Variants in MAD1L1 observed in about 807,000 individuals in gnomAD.
MAD1L1 encodes mitotic spindle assembly checkpoint protein MAD1.
MAD1L1 carries 95 observed loss-of-function variants against 96.9 expected under a neutral mutation model. That is an observed-to-expected ratio of 0.98 (90% CI 0.83 to 1.16). The LOEUF is 1.16. MAD1L1 is among the 50% of genes most tolerant of loss of function. MAD1L1 has a pLI of 0.00. For missense variants in MAD1L1, 1,007 were observed against 954.4 expected (o/e 1.06, Z -0.73); for synonymous variants, 473 against 396.6 (o/e 1.19, Z -2.29).
At chr7:2,025,436 G>C (rs1329099269) in intron 12 of MAD1L1, among the ~76,000 whole-genome samples, 1 of 152,186 alleles carries the variant, frequency 6.6e-6, no homozygotes, top group African/African-American at 2.4e-5. Flanking sequence ...GATAACCTAT[G>C]ATTTTATACC....
intron 14 of MAD1L1, among the ~76,000 whole-genome samples, chr7:1,986,403 C>T (rs1343091370): frequency 4.6e-5 from 7 of 152,038 alleles, no homozygotes; most frequent in African/African-American, 1.2e-4. Context: ...CCCGTTCCAG[C>T]TGCCGCCGGC....
At chr7:2,160,727 G>A (rs1408621496) in intron 10 of MAD1L1, among the ~76,000 whole-genome samples, 2 of 151,964 alleles carry the variant, frequency 1.3e-5, no homozygotes, top group African/African-American at 2.4e-5. Context: ...CCGCTCTCCT[G>A]CCTCAGCCTC....
intron 14 of MAD1L1, among the ~76,000 whole-genome samples, chr7:1,995,184 G>A (rs544368992): frequency 1.3e-5 from 2 of 152,328 alleles, no homozygotes; most frequent in Admixed American, 6.5e-5. Context: ...GCTGTGGCCA[G>A]CACGATTCCT....
At chr7:1,881,486 G>A (rs1785678762) in intron 18 of MAD1L1, among the ~76,000 whole-genome samples, 1 of 152,234 alleles carries the variant, frequency 6.6e-6, no homozygotes, top group Non-Finnish European at 1.5e-5. Flanking sequence ...ACAGATGATT[G>A]CTGAGATGCT....
chr7:1,929,806 CCCCACTGCCACGTCCCCTGCCCCGT>C (rs1199655949), intron 17 of MAD1L1, among the ~76,000 whole-genome samples: 1,549 of 42,974 alleles, frequency 0.036, 32 homozygotes, highest in Middle Eastern at 0.074. Context: ...CTCGCCCCGT[CCCCACTGCCACGTCCCCTGCCCCGT>C]CCCCACTGCC....
chr7:1,926,101 T>A (rs184480914), intron 17 of MAD1L1, among the ~76,000 whole-genome samples: 1 of 152,222 alleles, frequency 6.6e-6, no homozygotes, highest in East Asian at 1.9e-4. Context: ...GCAGGCACGA[T>A]AAAATCAGCG....
chr7:1,945,315 C>T (rs974868638), intron 16 of MAD1L1, among the ~76,000 whole-genome samples: 34 of 152,250 alleles, frequency 2.2e-4, no homozygotes, highest in African/African-American at 7.5e-4. Flanking sequence ...AGGACTATCC[C>T]GGCACAGGCT....
chr7:1,981,676 G>A (rs992958848), intron 14 of MAD1L1, among the ~76,000 whole-genome samples: 3 of 152,122 alleles, frequency 2.0e-5, no homozygotes, highest in African/African-American at 4.8e-5. Context: ...CAGGTACCAC[G>A]GCAGCCGGAG....
At chr7:2,215,395 A>G (rs1489949554) in intron 9 of MAD1L1, among the ~76,000 whole-genome samples, 4 of 144,706 alleles carry the variant, frequency 2.8e-5, no homozygotes, top group African/African-American at 5.2e-5. Flanking sequence ...AAAAAAAAAA[A>G]GCCCACAAAT....
intron 18 of MAD1L1, among the ~76,000 whole-genome samples, chr7:1,881,087 A>G (rs1306273898): frequency 1.3e-5 from 2 of 152,178 alleles, no homozygotes; most frequent in Non-Finnish European, 2.9e-5. Context: ...GCTCCATTAC[A>G]TACCTGGGGT....
At chr7:1,856,777 A>G (rs4236274) in intron 18 of MAD1L1, among the ~76,000 whole-genome samples, 71,663 of 151,960 alleles carry the variant, frequency 0.47, 18,012 homozygotes, top group African/African-American at 0.63. Flanking sequence ...CACGTTCCAC[A>G]CGTAACCCAA....
At chr7:2,014,431 C>T in intron 13 of MAD1L1, 71 bp downstream of exon 13, 6 of 1,485,944 alleles carry the variant, frequency 4.0e-6, no homozygotes, top group Non-Finnish European at 5.4e-6. Flanking sequence ...CTCCCCGCCG[C>T]AGGCTCTGCC....
At chr7:2,090,724 T>A (rs983128166) in intron 11 of MAD1L1, among the ~76,000 whole-genome samples, 1 of 152,048 alleles carries the variant, frequency 6.6e-6, no homozygotes, top group Non-Finnish European at 1.5e-5. Context: ...GAGCTACAGG[T>A]CTGTAAAGAA....
At chr7:2,029,589 C>G (rs544804227) in intron 12 of MAD1L1, among the ~76,000 whole-genome samples, 29 of 151,816 alleles carry the variant, frequency 1.9e-4, no homozygotes, top group African/African-American at 7.0e-4. Flanking sequence ...TTTTTTTAAA[C>G]GGAACTCCAT....
At chr7:2,176,921 C>T (rs1790975317) in intron 10 of MAD1L1, among the ~76,000 whole-genome samples, 1 of 152,178 alleles carries the variant, frequency 6.6e-6, no homozygotes, top group Admixed American at 6.5e-5. Flanking sequence ...CTAGTAATAA[C>T]TGTTTGCTTG....
At chr7:2,002,041 C>T (rs752757482) in intron 14 of MAD1L1, 24 bp downstream of exon 14, 2 of 1,612,668 alleles carry the variant, frequency 1.2e-6, no homozygotes, top group East Asian at 2.2e-5. Flanking sequence ...CCCTGAATCC[C>T]AGCCACTCCC....
At position 2,230,107 on chromosome 7, in the gene MAD1L1, C is replaced by CA; in HGVS notation, c.26dup (p.Met9IlefsTer91). On this transcript the variant is annotated frameshift_variant, in exon 3 of 19. Transcript: ENST00000265854. LOFTEE classifies it high-confidence loss of function. ...TCAAAGATCTCAGGGTGGATAAAAC[C>CA]ATGGTGTTTTCCCCCAGGTCTTCCA... 1 of 1,604,278 alleles carries CA rather than the reference C, an allele frequency of 6.2e-7. No individual in the cohort carries two copies. The highest frequency in any genetic ancestry group is 8.5e-7 in the Non-Finnish European group (1 of 1,175,282).
intron 3 of MAD1L1, among the ~76,000 whole-genome samples, chr7:2,227,655 A>G (rs1233606923): frequency 2.6e-5 from 4 of 152,232 alleles, no homozygotes; most frequent in Admixed American, 6.5e-5. Flanking sequence ...TGGTGGCCCA[A>G]GCCCACACTT....
intron 13 of MAD1L1, among the ~76,000 whole-genome samples, chr7:2,012,683 C>T (rs62444881): frequency 0.17 from 25,165 of 152,168 alleles, 2,604 homozygotes; most frequent in Middle Eastern, 0.3. Flanking sequence ...ACCCAGGGTT[C>T]ACTCTTGTCA....
Sources: allele counts gnomAD v4.1 joint callset (sites outside exome capture counted in the v4.1 genomes callset), GRCh38; gene constraint gnomAD v4.1.1; transcripts MANE v1.5; gene names NCBI Gene and HGNC (gene_info 2026-07-23, HGNC 2026-07-21).